GSDMC: variants seen among roughly 807,000 people sequenced by gnomAD.
GSDMC encodes gasdermin C.
GSDMC carries 59 observed loss-of-function variants against 58.0 expected under a neutral mutation model. The observed-to-expected ratio is 1.02, with a 90% CI of 0.82 to 1.26. The LOEUF is 1.26. Among genes scored for constraint, GSDMC ranks in the 50% most tolerant of loss-of-function variants. The pLI, the probability that GSDMC is intolerant of heterozygous loss-of-function variation, is 0.00. For missense variants in GSDMC, 659 were observed against 598.5 expected (o/e 1.10, Z -1.06); for synonymous variants, 241 against 220.2 (o/e 1.09, Z -0.83).
chr8:129,747,272 T>G (rs948706369), downstream of GSDMC, among the ~76,000 whole-genome samples: 1 of 150,502 alleles, frequency 6.6e-6, no homozygotes, highest in Non-Finnish European at 1.5e-5. Context: ...AAAAAAAAAA[T>G]TTGATAAAGA....
chr8:129,777,426 G>T lies in GSDMC; in HGVS notation c.162C>A (p.Asp54Glu), dbSNP rs773117841. ...TGAGGGAGAATTCAACTGGAACATA[G>T]TCAGATTGTTCCCAAAATGATGAAC... ...DSRSSFWEQSDYVPVEFSLND... is the reference protein window; with the variant it reads ...DSRSSFWEQSEYVPVEFSLND... Residue 54 changes from aspartate to glutamate, a missense_variant, in exon 2 of 14, where the codon GAC (aspartate) becomes GAA (glutamate). Physicochemically the swap from Asp to Glu is conservative, Grantham distance 45. Transcript: ENST00000276708. The T allele has an allele frequency of 1.0e-4, 166 of 1,613,452 alleles. No homozygotes were observed. Among genetic ancestry groups the T allele is most frequent in the Non-Finnish European group, 1.4e-4 (164 of 1,179,458 alleles).
At chr8:129,715,440 A>T in the GSDMC span, among the ~76,000 whole-genome samples, 1 of 152,310 alleles carries the variant, frequency 6.6e-6, no homozygotes, top group Non-Finnish European at 1.5e-5. Context: ...AGAAAAAAAA[A>T]TATTTGGAGA....
the GSDMC span, among the ~76,000 whole-genome samples, chr8:129,739,819 TA>T: frequency 3.3e-4 from 51 of 152,294 alleles, 1 homozygote; most frequent in East Asian, 9.8e-3. Flanking sequence ...TCATTTGTCA[TA>T]TTTTTTTAAT....
chr8:129,708,526 G>A, the GSDMC span, among the ~76,000 whole-genome samples: 17 of 152,352 alleles, frequency 1.1e-4, no homozygotes, highest in Admixed American at 6.5e-5. Flanking sequence ...GGGAAAAATA[G>A]CCAAGACAAC....
At chr8:129,766,896 C>T (rs758923661) in intron 3 of GSDMC, among the ~76,000 whole-genome samples, 12 of 152,146 alleles carry the variant, frequency 7.9e-5, no homozygotes, top group Admixed American at 5.2e-4. Flanking sequence ...TTGAGGGCAT[C>T]GGCAGGACTA....
chr8:129,784,168 G>A (rs1362266228), intron 1 of GSDMC, among the ~76,000 whole-genome samples: 2 of 152,172 alleles, frequency 1.3e-5, no homozygotes, highest in Non-Finnish European at 2.9e-5. Flanking sequence ...AAACTCTCCA[G>A]GACATTGGTC....
chr8:129,760,004 T>A (rs999883784), intron 6 of GSDMC, among the ~76,000 whole-genome samples: 1 of 152,098 alleles, frequency 6.6e-6, no homozygotes, highest in Non-Finnish European at 1.5e-5. Context: ...ATCAAACATA[T>A]ACAAAATGGT....
Position 129,776,435 on chromosome 8 carries a change from T to C in GSDMC, c.221-150A>G, listed in dbSNP as rs2034229278. The C allele has an allele frequency of 6.9e-6, 4 of 575,972 alleles. No individual in the cohort carries two copies. The South Asian group carries it at 9.3e-5, about 13-fold the overall frequency. The allele number at this position is 575,972 out of a possible 1,614,324, so 35.7% of individuals were successfully genotyped here. ...TCACTTAAACTCTGTTGAAAACTAA[T>C]CCATTAATGTTTGAATGTAAATTAC... On this transcript the variant is annotated intron_variant, in intron 2 of 13. Transcript: ENST00000276708.
chr8:129,718,839 A>T, the GSDMC span, among the ~76,000 whole-genome samples: 3 of 152,186 alleles, frequency 2.0e-5, no homozygotes, highest in Non-Finnish European at 4.4e-5. Context: ...ACACCATGGA[A>T]ATACTATGCA....
At position 129,765,739 on chromosome 8, in the gene GSDMC, G is replaced by T; in HGVS notation, c.459C>A (p.Asp153Glu). ...SFLKECRRRG[D>E]NLYVVTEAVE... ...CAGCCTCTGTCACCACGTACAGGTT[G>T]TCCCCTCTCCTCCGGCACTCCTTCA... The change falls in exon 4 of 14, where the codon GAC becomes GAA. Residue 153 changes from aspartate to glutamate, a missense_variant. Coordinates refer to ENST00000276708, the MANE Select transcript of GSDMC (RefSeq NM_031415.3). 1 of 1,613,254 alleles carries T rather than the reference G, an allele frequency of 6.2e-7. No individual in the cohort carries two copies. The highest frequency in any genetic ancestry group is 8.5e-7 in the Non-Finnish European group (1 of 1,179,202).
At chr8:129,725,715 T>A in the GSDMC span, among the ~76,000 whole-genome samples, 1 of 152,180 alleles carries the variant, frequency 6.6e-6, no homozygotes, top group Admixed American at 6.5e-5. Flanking sequence ...GTGCTAGCAC[T>A]ATACTAGGTT....
chr8:129,728,324 C>G, the GSDMC span, among the ~76,000 whole-genome samples: 2 of 152,268 alleles, frequency 1.3e-5, no homozygotes, highest in South Asian at 2.1e-4. Flanking sequence ...GACCCTGGTG[C>G]AGAGGAGTCC....
chr8:129,757,754 G>T (rs1347741351), intron 6 of GSDMC, among the ~76,000 whole-genome samples: 3 of 152,116 alleles, frequency 2.0e-5, no homozygotes, highest in Non-Finnish European at 4.4e-5. Flanking sequence ...ACTTTGGGAG[G>T]CCAAGGTGGC....
chr8:129,724,360 G>A, the GSDMC span, among the ~76,000 whole-genome samples: 7 of 152,088 alleles, frequency 4.6e-5, no homozygotes, highest in African/African-American at 1.2e-4. Flanking sequence ...AAGCCATTAC[G>A]TTTTGGGGGT....
intron 6 of GSDMC, among the ~76,000 whole-genome samples, chr8:129,755,465 G>T (rs2033391102): frequency 6.6e-6 from 1 of 152,154 alleles, no homozygotes; most frequent in South Asian, 2.1e-4. Flanking sequence ...TATAAGAAAT[G>T]TTAAAGGGAG....
the GSDMC span, among the ~76,000 whole-genome samples, chr8:129,736,672 C>G: frequency 6.6e-6 from 1 of 152,160 alleles, no homozygotes; most frequent in Non-Finnish European, 1.5e-5. Context: ...GACAAACCCA[C>G]AGCCAATATC....
the GSDMC span, among the ~76,000 whole-genome samples, chr8:129,724,017 A>G: frequency 0.62 from 94,497 of 152,168 alleles, 31,869 homozygotes; most frequent in African/African-American, 0.88. Context: ...TGCATCCTAA[A>G]GCAATCATGG....
At chr8:129,749,823 C>T (rs184108260) in intron 12 of GSDMC, among the ~76,000 whole-genome samples, 167 bp downstream of exon 12, 212 of 152,228 alleles carry the variant, frequency 1.4e-3, no homozygotes, top group Non-Finnish European at 3.4e-4. Flanking sequence ...CTGTGTCATA[C>T]GGCAAGTTAT....
intron 1 of GSDMC, among the ~76,000 whole-genome samples, chr8:129,785,206 C>G (rs138968634): frequency 2.6e-5 from 4 of 151,376 alleles, no homozygotes; most frequent in African/African-American, 9.7e-5. Flanking sequence ...AGCAAAACTC[C>G]GTGTCAAAAA....
Sources: allele counts gnomAD v4.1 joint callset (sites outside exome capture counted in the v4.1 genomes callset), GRCh38; gene constraint gnomAD v4.1.1; transcripts MANE v1.5; gene names NCBI Gene and HGNC (gene_info 2026-07-23, HGNC 2026-07-21).